DOCK9: variants seen among roughly 807,000 people sequenced by gnomAD.
DOCK9 encodes dedicator of cytokinesis protein 9.
A neutral mutation model predicts 263.3 loss-of-function variants in DOCK9; 89 were observed. The ratio of observed to expected loss-of-function variants is 0.34; its 90% CI spans 0.28 to 0.40. DOCK9 has a LOEUF of 0.40. Ranked by LOEUF, DOCK9 falls within the 10% of genes least tolerant of loss-of-function variation. The pLI, the probability that DOCK9 is intolerant of heterozygous loss-of-function variation, is 1.00. For synonymous variants in DOCK9, 976 were observed against 973.1 expected (o/e 1.00, Z -0.06); for missense variants, 2,140 against 2,603.4 (o/e 0.82, Z 3.87).
rs373119015 is a variant in DOCK9 at position 98,825,813 on chromosome 13, G to C, written c.5023+1017C>G. The C allele has an allele frequency of 5.9e-6, 7 of 1,187,410 alleles. No individual in the cohort carries two copies. The highest frequency in any genetic ancestry group is 3.1e-5 in the East Asian group (1 of 32,680). 73.6% of individuals were successfully genotyped at this position (1,187,410 alleles called of 1,614,324 possible). On this transcript the variant is annotated intron_variant, in intron 44 of 52. Coordinates refer to ENST00000682017, the MANE Select transcript of DOCK9 (RefSeq NM_001366683.2). The surrounding 1 kb of genome is among the most constrained non-coding windows in gnomAD (Gnocchi z 4.1). ...GTTAAAAGGGCAAATCCCCCACCAC[G>C]GGAGGGCACGTGACCAGGGCAGGGG...
chr13:99,003,590 T>A (rs1882783743), intron 1 of DOCK9, among the ~76,000 whole-genome samples: 1 of 152,200 alleles, frequency 6.6e-6, no homozygotes, highest in Non-Finnish European at 1.5e-5. Context: ...ATCCATTCCT[T>A]CAGTGCTCCC....
chr13:98,938,847 A>G (rs1269682932), intron 2 of DOCK9, among the ~76,000 whole-genome samples: 1 of 152,214 alleles, frequency 6.6e-6, no homozygotes, highest in Non-Finnish European at 1.5e-5. Flanking sequence ...GACCAACAAT[A>G]GGCCCACCCT....
At chr13:98,955,630 TC>T in intron 1 of DOCK9, 79 bp from the exon 2 acceptor site, 1 of 931,380 alleles carries the variant, frequency 1.1e-6, no homozygotes, top group Non-Finnish European at 1.7e-6. Context: ...TATGTTCTAC[TC>T]TATGTTTTGT....
rs1285329791 is a variant in DOCK9, at chr13:98,922,142, G to A, written c.491C>T (p.Ala164Val). The A allele has an allele frequency of 1.3e-6, 2 of 1,591,002 alleles. No homozygotes were observed. The highest frequency in any genetic ancestry group is 2.3e-5 in the East Asian group (1 of 43,948). ...VDEEVDKDEDAASLGSQKGGI... is the reference protein window; with the variant it reads ...VDEEVDKDEDVASLGSQKGGI... ...ACCCTTCTGGGAACCAAGGGAGGCA[G>A]CATCCTAGGAGAGAAGGAAAACACC... The change falls in exon 6 of 53, where the codon GCT becomes GTT. Residue 164 changes from alanine (A) to valine (V), a missense_variant. Ala to Val is a moderately conservative substitution (Grantham distance 64). Around this residue, in one of 2 missense-constraint regions of DOCK9, gnomAD observed 1,521 missense variants for 1,741.7 expected, o/e 0.87. Coordinates refer to ENST00000682017, the MANE Select transcript of DOCK9 (RefSeq NM_001366683.2).
chr13:98,964,228 C>T (rs544029745), intron 1 of DOCK9, among the ~76,000 whole-genome samples: 4 of 152,318 alleles, frequency 2.6e-5, no homozygotes, highest in Non-Finnish European at 4.4e-5. Flanking sequence ...AGAAGGAACC[C>T]AACCTTTGCC....
intron 1 of DOCK9, among the ~76,000 whole-genome samples, chr13:99,082,803 TACAGATGAAGAA>T (rs1356463366): frequency 6.6e-6 from 1 of 152,136 alleles, no homozygotes; most frequent in Non-Finnish European, 1.5e-5. Context: ...ATCTCCAATC[TACAGATGAAGAA>T]ACTGAGCCCC....
intron 2 of DOCK9, among the ~76,000 whole-genome samples, chr13:98,946,480 C>A (rs889771246): frequency 4.4e-4 from 67 of 152,098 alleles, no homozygotes; most frequent in African/African-American, 1.6e-3. Flanking sequence ...CACAATCTGC[C>A]GCTACACTTC....
At chr13:99,024,116 C>T (rs576600321) in intron 1 of DOCK9, among the ~76,000 whole-genome samples, 2 of 152,134 alleles carry the variant, frequency 1.3e-5, no homozygotes, top group South Asian at 2.1e-4. Flanking sequence ...CCAATAAATC[C>T]ATAAATGCTG....
At chr13:99,000,385 T>C (rs1882047068) in intron 1 of DOCK9, among the ~76,000 whole-genome samples, 1 of 152,174 alleles carries the variant, frequency 6.6e-6, no homozygotes, top group South Asian at 2.1e-4. Context: ...CTGCTGATGT[T>C]TTCAGCTCCT....
chr13:98,809,142 T>C, intron 47 of DOCK9: 1 of 1,541,778 alleles, frequency 6.5e-7, no homozygotes. Flanking sequence ...AAGAAAGTAA[T>C]AAAGAAAAGA....
intron 27 of DOCK9, among the ~76,000 whole-genome samples, chr13:98,878,558 C>T (rs562440737): frequency 9.8e-5 from 15 of 152,296 alleles, no homozygotes; most frequent in South Asian, 4.1e-4. Flanking sequence ...TGCATGTGCA[C>T]GCACACTTAG....
At chr13:98,852,983 C>G (rs908545580) in intron 35 of DOCK9, among the ~76,000 whole-genome samples, 4 of 152,128 alleles carry the variant, frequency 2.6e-5, no homozygotes, top group Non-Finnish European at 2.9e-5. Flanking sequence ...ATGCTTAGGT[C>G]CCCCCACAAC....
chr13:98,795,959 A>G (rs1215693870), intron 52 of DOCK9, among the ~76,000 whole-genome samples: 1 of 151,964 alleles, frequency 6.6e-6, no homozygotes, highest in Non-Finnish European at 1.5e-5. Context: ...GGGTTTCACC[A>G]TGTTGGCCAG....
rs771946683 is a variant in DOCK9, at chr13:98,863,563, G to T, written c.3287-15C>A. The T allele has an allele frequency of 2.5e-6, 4 of 1,588,574 alleles. No homozygotes were observed. Among genetic ancestry groups the T allele is most frequent in the Admixed American group, 1.8e-5 (1 of 56,146 alleles). ...AAGCTGGAGGTCTGAAATGAGGATA[G>T]AAACTACTTGAGTTAGGAAAGATGC... On this transcript the variant is annotated splice_polypyrimidine_tract_variant and intron_variant, in intron 30 of 52. Coordinates refer to ENST00000682017, the MANE Select transcript of DOCK9 (RefSeq NM_001366683.2).
At chr13:99,008,234 A>ATATATTTTTTTTT (rs1233268084) in intron 1 of DOCK9, among the ~76,000 whole-genome samples, 1 of 94,100 alleles carries the variant, frequency 1.1e-5, no homozygotes, top group African/African-American at 4.4e-5. Context: ...ATATATATAT[A>ATATATTTTTTTTT]TTTTTTTTTT....
chr13:98,990,164 A>G (rs1305691095), intron 1 of DOCK9, among the ~76,000 whole-genome samples: 7 of 152,210 alleles, frequency 4.6e-5, no homozygotes, highest in Admixed American at 4.6e-4. Context: ...ATCTGTTTAG[A>G]GAAGAGTAAA....
intron 2 of DOCK9, among the ~76,000 whole-genome samples, chr13:98,933,868 TTG>T (rs2054361196): frequency 5.5e-4 from 1 of 1,810 alleles, no homozygotes; most frequent in Non-Finnish European, 1.2e-3. Flanking sequence ...CTAGCCTCTG[TTG>T]TTGTTGTTGT....
chr13:98,890,371 T>G (rs1263480479), intron 15 of DOCK9, among the ~76,000 whole-genome samples: 1 of 152,208 alleles, frequency 6.6e-6, no homozygotes, highest in Non-Finnish European at 1.5e-5. Context: ...GCAGCGCTTC[T>G]TTGACTCATT....
At chr13:98,891,306 T>G (rs1469338752) in intron 15 of DOCK9, among the ~76,000 whole-genome samples, 3 of 152,182 alleles carry the variant, frequency 2.0e-5, no homozygotes, top group African/African-American at 7.2e-5. Context: ...GGTGCCTTGC[T>G]CACCTCTTCA....
Sources: allele counts gnomAD v4.1 joint callset (sites outside exome capture counted in the v4.1 genomes callset), GRCh38; gene constraint gnomAD v4.1.1; regional missense constraint gnomAD v4.1.1; non-coding constraint Gnocchi (gnomAD v3.1); transcripts MANE v1.5; gene names NCBI Gene and HGNC (gene_info 2026-07-23, HGNC 2026-07-21).